CCDC148: variants seen among roughly 807,000 people sequenced by gnomAD.
The protein encoded by CCDC148 is coiled-coil domain-containing protein 148.
A neutral mutation model predicts 85.7 loss-of-function variants in CCDC148; 89 were observed. That is an observed-to-expected ratio of 1.04 (90% CI 0.87 to 1.24). CCDC148 has a LOEUF of 1.24. Among genes scored for constraint, CCDC148 ranks in the 50% most tolerant of loss-of-function variants. The pLI is 0.00. For missense variants in CCDC148, 692 were observed against 671.7 expected, an observed-to-expected ratio of 1.03 and a Z score of -0.33; for synonymous variants, 230 against 213.9, an observed-to-expected ratio of 1.08 and a Z score of -0.66.
At chr2:158,283,316 AG>A (rs1447707231) in intron 9 of CCDC148, among the ~76,000 whole-genome samples, 12 of 152,252 alleles carry the variant, frequency 7.9e-5, no homozygotes, top group Non-Finnish European at 1.5e-5. Flanking sequence ...GCACAGCAAA[AG>A]AAACTACCAT....
chr2:158,364,870 C>T (rs1430675449), intron 1 of CCDC148, among the ~76,000 whole-genome samples: 1 of 152,126 alleles, frequency 6.6e-6, no homozygotes, highest in East Asian at 1.9e-4. Context: ...TCAGAGTGAA[C>T]AGGCAATCTA....
intron 11 of CCDC148, among the ~76,000 whole-genome samples, chr2:158,183,327 AC>A (rs1684995566): frequency 6.6e-6 from 1 of 152,130 alleles, no homozygotes; most frequent in Non-Finnish European, 1.5e-5. Flanking sequence ...TGTGCACAGC[AC>A]TCTAAGAAAT....
At chr2:158,397,083 C>A (rs951987927) in intron 1 of CCDC148, among the ~76,000 whole-genome samples, 2 of 151,958 alleles carry the variant, frequency 1.3e-5, no homozygotes, top group Admixed American at 6.6e-5. Context: ...CTCCAGGCAG[C>A]AAGACCACTA....
intron 9 of CCDC148, among the ~76,000 whole-genome samples, chr2:158,271,631 C>T (rs560296510): frequency 8.2e-4 from 125 of 152,184 alleles, no homozygotes; most frequent in African/African-American, 2.9e-3. Flanking sequence ...CAATATGTTG[C>T]TATAATTGTC....
chr2:158,248,999 G>A (rs1688681007), intron 10 of CCDC148, among the ~76,000 whole-genome samples: 1 of 152,026 alleles, frequency 6.6e-6, no homozygotes, highest in African/African-American at 2.4e-5. Context: ...TCTTTTAAAT[G>A]CCTTTCTCTC....
At chr2:158,316,322 C>T (rs749556610) in intron 7 of CCDC148, among the ~76,000 whole-genome samples, 19 of 152,184 alleles carry the variant, frequency 1.2e-4, no homozygotes, top group Non-Finnish European at 2.2e-4. Flanking sequence ...ATTTGTGGCA[C>T]TCAGTGCATT....
Position 158,310,581 on chromosome 2 carries a change from C to T in CCDC148, c.904-942G>A, listed in dbSNP as rs940636707. On this transcript the variant is annotated intron_variant, in intron 8 of 13. Transcript: ENST00000283233. ...CCTCCCAGACAGGGCGGCTGCCGGG[C>T]GGAGGGGCTCCTCACTTCTCAGACG... Among the ~76,000 whole-genome samples, 4 of 151,436 alleles carry T rather than the reference C, an allele frequency of 2.6e-5. No individual in the cohort carries two copies. The South Asian group carries it at 6.3e-4, about 24-fold the overall frequency.
At chr2:158,263,358 T>C (rs1378814556) in intron 9 of CCDC148, among the ~76,000 whole-genome samples, 1 of 152,020 alleles carries the variant, frequency 6.6e-6, no homozygotes, top group African/African-American at 2.4e-5. Flanking sequence ...TAAATACTTA[T>C]TAAAGGTGTA....
At chr2:158,339,556 C>T (rs1682564086) in intron 5 of CCDC148, among the ~76,000 whole-genome samples, 1 of 151,986 alleles carries the variant, frequency 6.6e-6, no homozygotes, top group Non-Finnish European at 1.5e-5. Flanking sequence ...AGTTTATGCT[C>T]AATTGAGGGG....
chr2:158,179,166 A>ATTTTTTTTTTTTTTTT (rs10699879), intron 11 of CCDC148, among the ~76,000 whole-genome samples, 170 bp from the exon 12 acceptor site: 4 of 82,824 alleles, frequency 4.8e-5, no homozygotes, highest in Admixed American at 1.9e-4. Flanking sequence ...ATAAAATGCA[A>ATTTTTTTTTTTTTTTT]TTTTTTTTTT....
intron 9 of CCDC148, chr2:158,288,900 A>G: frequency 3.5e-6 from 1 of 287,996 alleles, no homozygotes; most frequent in Non-Finnish European, 6.8e-6. Flanking sequence ...CCTCAGAATC[A>G]TGTCAGGAGG....
chr2:158,323,302 A>G (rs549270022), intron 7 of CCDC148, among the ~76,000 whole-genome samples: 1 of 152,324 alleles, frequency 6.6e-6, no homozygotes, highest in African/African-American at 2.4e-5. Context: ...GATTTCAAAG[A>G]CTTCATATGA....
intron 1 of CCDC148, among the ~76,000 whole-genome samples, chr2:158,445,764 TTATG>T (rs1688132491): frequency 6.6e-6 from 1 of 151,956 alleles, no homozygotes; most frequent in Non-Finnish European, 1.5e-5. Flanking sequence ...TTGTTCTAAA[TTATG>T]TATATTATAA....
At chr2:158,320,752 T>C (rs1240364662) in intron 7 of CCDC148, among the ~76,000 whole-genome samples, 5 of 152,162 alleles carry the variant, frequency 3.3e-5, no homozygotes, top group Non-Finnish European at 5.9e-5. Flanking sequence ...CAGTGAAGAA[T>C]AGAAACCCCT....
intron 9 of CCDC148, among the ~76,000 whole-genome samples, chr2:158,263,148 C>G (rs767331418): frequency 6.6e-6 from 1 of 151,996 alleles, no homozygotes; most frequent in Non-Finnish European, 1.5e-5. Context: ...CAGCTTTGAA[C>G]GATTCACAAA....
chr2:158,267,121 T>C (rs79906964), intron 9 of CCDC148, among the ~76,000 whole-genome samples: 1 of 152,050 alleles, frequency 6.6e-6, no homozygotes, highest in African/African-American at 2.4e-5. Context: ...TAGCATGACA[T>C]GCCAGGCCCT....
intron 1 of CCDC148, among the ~76,000 whole-genome samples, chr2:158,374,223 A>G (rs1026268358): frequency 2.6e-5 from 4 of 152,190 alleles, no homozygotes; most frequent in Non-Finnish European, 4.4e-5. Context: ...CTAAGTTCAC[A>G]TTAACTGCAG....
intron 1 of CCDC148, among the ~76,000 whole-genome samples, chr2:158,446,174 C>G: frequency 6.6e-6 from 1 of 151,852 alleles, no homozygotes; most frequent in Non-Finnish European, 1.5e-5. Context: ...ATAGTGAGAC[C>G]CCATCTCTAC....
Position 158,228,814 on chromosome 2 carries a change from T to C in CCDC148, c.1252-8101A>G, listed in dbSNP as rs113008455. On this transcript the variant is annotated intron_variant, in intron 10 of 13. Transcript: ENST00000283233. ...CACACACCCGGGCCTGTTGTGGGGT[T>C]GGGGGGAGGGGGGAGGGATAGTATT... Among the ~76,000 whole-genome samples the C allele has an allele frequency of 2.4e-4, 27 of 111,498 alleles. 1 individual carries two copies. In the South Asian group the frequency reaches 8.0e-3, roughly 33 times the overall value. The allele number at this position is 111,498 out of a possible 152,430, so 73.1% of individuals were successfully genotyped here.
Sources: gnomAD v4.1 joint callset for allele counts (sites outside exome capture counted in the v4.1 genomes callset) on GRCh38, gnomAD v4.1.1 for gene constraint, MANE v1.5 for transcripts, NCBI Gene and HGNC (gene_info 2026-07-23, HGNC 2026-07-21) for gene names.